Variants in CSMD1 observed in about 807,000 individuals in gnomAD.
CSMD1 encodes CUB and sushi domain-containing protein 1.
CSMD1 carries 213 observed loss-of-function variants against 417.5 expected under a neutral mutation model. The observed-to-expected ratio is 0.51, with a 90% confidence interval of 0.46 to 0.57. The LOEUF (loss-of-function observed/expected upper bound fraction) is 0.57, where lower values mean the gene tolerates loss of function less well. Ranked by LOEUF, CSMD1 falls within the 20% of genes least tolerant of loss-of-function variation. The probability of loss-of-function intolerance (pLI) is 0.00; values close to 1 mark genes in which losing one functional copy is unlikely to be tolerated. For synonymous variants in CSMD1, 2,862 were observed against 1,736.8 expected (o/e 1.65, Z -16.11); for missense variants, 6,923 against 4,529.7 (o/e 1.53, Z -15.17).
intron 49 of CSMD1, among the ~76,000 whole-genome samples, chr8:3,074,640 G>T (rs76482447): frequency 0.015 from 2,299 of 152,336 alleles, 58 homozygotes; most frequent in African/African-American, 0.053. Context: ...AAAGTGCAAA[G>T]ATGTTTCTGA....
chr8:4,139,616 G>T (rs1213802673), intron 3 of CSMD1, among the ~76,000 whole-genome samples: 6 of 151,232 alleles, frequency 4.0e-5, no homozygotes, highest in East Asian at 1.9e-4. Context: ...AGGAGCAGAG[G>T]AAGGGCATTT....
intron 68 of CSMD1, among the ~76,000 whole-genome samples, chr8:2,945,709 C>G (rs1015137898): frequency 2.0e-5 from 3 of 152,298 alleles, no homozygotes; most frequent in Admixed American, 6.5e-5. Context: ...TCTCTTCCCC[C>G]TCCTTGTTTT....
intron 3 of CSMD1, among the ~76,000 whole-genome samples, chr8:4,359,280 T>A (rs774209117): frequency 1.7e-4 from 26 of 152,182 alleles, no homozygotes; most frequent in Non-Finnish European, 3.2e-4. Flanking sequence ...ATTCAATAGA[T>A]ATATTCTGTG....
chr8:3,982,009 A>AAAATACAAAAAATTAGCCTGGCGCGGT (rs1813908733), intron 5 of CSMD1, among the ~76,000 whole-genome samples: 2 of 151,942 alleles, frequency 1.3e-5, no homozygotes, highest in African/African-American at 4.8e-5. Flanking sequence ...GTCTCTACTA[A>AAAATACAAAAAATTAGCCTGGCGCGGT]AAATACAAAA....
chr8:4,915,691 C>T (rs935377300), intron 1 of CSMD1, among the ~76,000 whole-genome samples: 14 of 152,172 alleles, frequency 9.2e-5, no homozygotes, highest in African/African-American at 3.4e-4. Flanking sequence ...CAGTGGATTT[C>T]GGGAGAGGGT....
At chr8:4,834,837 A>G (rs371798541) in intron 1 of CSMD1, among the ~76,000 whole-genome samples, 116 of 150,810 alleles carry the variant, frequency 7.7e-4, no homozygotes, top group East Asian at 7.5e-3. Flanking sequence ...GGCGCCTGTA[A>G]TCCCAGCTAC....
At chr8:3,964,554 A>G (rs923239295) in intron 5 of CSMD1, among the ~76,000 whole-genome samples, 2 of 152,224 alleles carry the variant, frequency 1.3e-5, no homozygotes, top group African/African-American at 4.8e-5. Context: ...GGAAATAAAT[A>G]CACTGGAGAA....
At chr8:3,680,988 G>T (rs1191797935) in intron 7 of CSMD1, among the ~76,000 whole-genome samples, 1 of 152,030 alleles carries the variant, frequency 6.6e-6, no homozygotes, top group Non-Finnish European at 1.5e-5. Flanking sequence ...AAATTCAACA[G>T]CCCTTCATGC....
rs1563435200 is a variant in CSMD1 at position 4,312,421 on chromosome 8, G to GCGCGTATATATATATGCGTATATATATA, written c.415+107504_415+107531dup. Reference sequence around the variant, plus strand: ...TACATATATATGCGTGTATATATATGCGCGTATATATATATGCGTATATAT... The same window carrying GCGCGTATATATATATGCGTATATATATA: ...TACATATATATGCGTGTATATATATGCGCGTATATATATATGCGTATATATATACGCGTATATATATATGCGTATATAT... On this transcript the variant is annotated intron_variant, in intron 3 of 69. Coordinates refer to ENST00000635120, the MANE Select transcript of CSMD1 (RefSeq NM_033225.6). 9.1e-3 allele frequency among the ~76,000 whole-genome samples: 988 copies of GCGCGTATATATATATGCGTATATATATA among 108,136 alleles called. 132 individuals are homozygous for GCGCGTATATATATATGCGTATATATATA. Among genetic ancestry groups the GCGCGTATATATATATGCGTATATATATA allele is most frequent in the African/African-American group, 0.063 (936 of 14,902 alleles). 70.9% of individuals were successfully genotyped at this position (108,136 alleles called of 152,430 possible).
At chr8:3,053,552 G>T (rs1485948228) in intron 49 of CSMD1, among the ~76,000 whole-genome samples, 1 of 152,182 alleles carries the variant, frequency 6.6e-6, no homozygotes, top group African/African-American at 2.4e-5. Context: ...TCCCAGGGCA[G>T]AAGGCAGCAT....
chr8:3,852,705 G>A (rs935801783), intron 5 of CSMD1, among the ~76,000 whole-genome samples: 3 of 152,004 alleles, frequency 2.0e-5, no homozygotes, highest in African/African-American at 7.3e-5. Context: ...TTTGGAGGCT[G>A]TGAGGGACGG....
In CSMD1 at chr8:4,091,234, G is replaced by T. The variant is rs564096810; in HGVS notation, c.416-59135C>A. Among the ~76,000 whole-genome samples, 3 of 151,892 alleles carry T rather than the reference G, an allele frequency of 2.0e-5. No homozygotes were observed. The South Asian group carries it at 6.3e-4, about 32-fold the overall frequency. On this transcript the variant is annotated intron_variant, in intron 3 of 69. Transcript: ENST00000635120. The stretch of plus-strand genomic sequence containing the variant: ...ACGCCCTGCCAAAAGCAGTCTTAAA[G>T]GTGAATAATGAGGATGCAAATTAGA...
At position 3,024,895 on chromosome 8, in the gene CSMD1, G is replaced by C. The variant is rs559324768; in HGVS notation, c.7855+4424C>G. ...GGGAAACACAAGACAACTGTTGTTC[G>C]TACTGTTCCCTCCACTGCTTTGTGT... On this transcript the variant is annotated intron_variant, in intron 51 of 69. Transcript: ENST00000635120. Among the ~76,000 whole-genome samples, 7 of 152,310 alleles carry C rather than the reference G, an allele frequency of 4.6e-5. No homozygotes were observed. The South Asian group carries it at 1.5e-3, about 32-fold the overall frequency.
chr8:4,060,388 C>G (rs1011269538), intron 3 of CSMD1, among the ~76,000 whole-genome samples: 1 of 152,164 alleles, frequency 6.6e-6, no homozygotes, highest in Admixed American at 6.5e-5. Flanking sequence ...TGGCACAAGA[C>G]AGGGATGCCC....
chr8:3,291,980 C>G (rs7844222), intron 25 of CSMD1, among the ~76,000 whole-genome samples: 2,698 of 151,820 alleles, frequency 0.018, 72 homozygotes, highest in African/African-American at 0.061. Context: ...ATAAATTTTC[C>G]TCTACACACT....
chr8:4,405,762 G>T (rs547312924), intron 3 of CSMD1, among the ~76,000 whole-genome samples: 1 of 152,282 alleles, frequency 6.6e-6, no homozygotes, highest in African/African-American at 2.4e-5. Context: ...CCCAGAAACA[G>T]TTTAAGCTGT....
chr8:3,700,889 T>G (rs765473408), intron 7 of CSMD1, among the ~76,000 whole-genome samples: 1 of 152,088 alleles, frequency 6.6e-6, no homozygotes, highest in African/African-American at 2.4e-5. Context: ...AGGAAGGATG[T>G]GGTTCTACTG....
rs980936037 is a variant in CSMD1 at position 3,966,927 on chromosome 8, G to A, written c.818+30976C>T. Among the ~76,000 whole-genome samples, 6 of 152,262 alleles carry A rather than the reference G, an allele frequency of 3.9e-5. No homozygotes were observed. The South Asian group carries it at 6.2e-4, about 16-fold the overall frequency. On this transcript the variant is annotated intron_variant, in intron 5 of 69. Coordinates refer to ENST00000635120, the MANE Select transcript of CSMD1 (RefSeq NM_033225.6). ...TGAATGCCGATGAATTAAAAGGCTG[G>A]TCTTTATGATCAAGAGATAATTCAA...
At chr8:3,093,360 T>C (rs1815080527) in intron 47 of CSMD1, among the ~76,000 whole-genome samples, 1 of 152,096 alleles carries the variant, frequency 6.6e-6, no homozygotes, top group Non-Finnish European at 1.5e-5. Context: ...GCATCCAGAA[T>C]TGTGAGAACA....
Sources: allele counts gnomAD v4.1 joint callset (sites outside exome capture counted in the v4.1 genomes callset), GRCh38; gene constraint gnomAD v4.1.1; transcripts MANE v1.5; gene names NCBI Gene and HGNC (gene_info 2026-07-23, HGNC 2026-07-21).